The following SPAG6 variants were observed in gnomAD, a reference collection of about 807,000 sequenced individuals.
SPAG6 encodes the protein sperm associated antigen 6.
A neutral mutation model predicts 58.5 loss-of-function variants in SPAG6; 49 were observed. That is an observed-to-expected ratio of 0.84 (90% CI 0.67 to 1.06). The LOEUF (loss-of-function observed/expected upper bound fraction) is 1.06. Among genes scored for constraint, SPAG6 ranks in the 50% least tolerant of loss-of-function variants. SPAG6 has a pLI of 0.00. For synonymous variants in SPAG6, 233 were observed against 225.6 expected (o/e 1.03, Z -0.29); for missense variants, 560 against 611.3 (o/e 0.92, Z 0.89).
At chr10:22,364,734 A>T in intron 2 of SPAG6, 119 bp from the exon 3 acceptor site, 1 of 651,920 alleles carries the variant, frequency 1.5e-6, no homozygotes, top group Non-Finnish European at 2.5e-6. Context: ...TTTATGGTGA[A>T]TAGTTTTATT....
intron 2 of SPAG6, among the ~76,000 whole-genome samples, chr10:22,360,154 C>CTAT (rs1404403898): frequency 6.6e-6 from 1 of 152,056 alleles, no homozygotes; most frequent in African/African-American, 2.4e-5. Context: ...CTTCACTAGA[C>CTAT]TATTAGTTTC....
At position 22,387,808 on chromosome 10, in the gene SPAG6, T is replaced by C; in HGVS notation, c.679-15T>C. The C allele has an allele frequency of 6.3e-7, 1 of 1,592,874 alleles. No homozygotes were observed. Among genetic ancestry groups the C allele is most frequent in the Non-Finnish European group, 8.5e-7 (1 of 1,174,098 alleles). On this transcript the variant is annotated splice_polypyrimidine_tract_variant and intron_variant, in intron 5 of 10. Coordinates refer to ENST00000376624, the MANE Select transcript of SPAG6 (RefSeq NM_012443.4). ...TATAGTGTTTTGTTGTTGTTGTTTT[T>C]TTTTTGCTTCACAGCATCAGATCCT...
intron 7 of SPAG6, among the ~76,000 whole-genome samples, chr10:22,390,325 AAAG>A (rs1266819150): frequency 6.6e-6 from 1 of 152,164 alleles, no homozygotes; most frequent in East Asian, 1.9e-4. Flanking sequence ...AAGAATGATG[AAAG>A]AAGAAGCAAT....
At position 22,408,945 on chromosome 10, in the gene SPAG6, C is replaced by A. The variant is rs535886961; in HGVS notation, c.1315-2086C>A. On this transcript the variant is annotated intron_variant, in intron 9 of 10. Coordinates refer to ENST00000376624, the MANE Select transcript of SPAG6 (RefSeq NM_012443.4). ...TTTCTTTGACTAGGAAAGGGAACTC[C>A]CTGACCCCTTGCGCTTCCCGAGTGA... Among the ~76,000 whole-genome samples the A allele has an allele frequency of 4.7e-3, 719 of 152,316 alleles. 4 individuals carry two copies. The highest frequency in any genetic ancestry group is 0.017 in the African/African-American group (696 of 41,558).
At chr10:22,349,556 T>C (rs1237224324) in intron 2 of SPAG6, among the ~76,000 whole-genome samples, 1 of 152,172 alleles carries the variant, frequency 6.6e-6, no homozygotes, top group Non-Finnish European at 1.5e-5. Flanking sequence ...TAGGAGGTCT[T>C]TTGAAATACA....
chr10:22,410,052 A>G (rs1564382172), intron 9 of SPAG6, among the ~76,000 whole-genome samples: 1 of 152,172 alleles, frequency 6.6e-6, no homozygotes, highest in South Asian at 2.1e-4. Flanking sequence ...CCTTTAGTCA[A>G]GTCTTCAGCA....
chr10:22,357,569 C>T (rs538686925), intron 2 of SPAG6, among the ~76,000 whole-genome samples: 11 of 151,654 alleles, frequency 7.3e-5, no homozygotes, highest in Non-Finnish European at 1.3e-4. Context: ...ATTTAGGGAA[C>T]TGATTTTTTT....
rs1338804358 is a variant in SPAG6 at position 22,345,851 on chromosome 10, C to T, written c.121+33C>T. On this transcript the variant is annotated intron_variant, in intron 2 of 10. Transcript: ENST00000376624. The surrounding 1 kb of genome is among the most constrained non-coding windows in gnomAD (Gnocchi z 6.3). ...CGGAGCCCGAACCCCCGTCGCCCCC[C>T]GCGCACTGAGTCCCCGACGCCTCCG... 5.6e-6 allele frequency: 9 copies of T among 1,599,990 alleles called. No individual in the cohort carries two copies. The highest frequency in any genetic ancestry group is 1.7e-4 in the Middle Eastern group (1 of 6,050).
intron 2 of SPAG6, among the ~76,000 whole-genome samples, chr10:22,353,467 T>G (rs72814837): frequency 0.01 from 1,581 of 152,378 alleles, 12 homozygotes; most frequent in Non-Finnish European, 0.016. Flanking sequence ...TCCTTAAAAC[T>G]TTATGAATTT....
At chr10:22,408,720 C>T (rs942588540) in intron 9 of SPAG6, among the ~76,000 whole-genome samples, 57 of 151,412 alleles carry the variant, frequency 3.8e-4, no homozygotes, top group Non-Finnish European at 6.8e-4. Context: ...CAATGGCGGG[C>T]GCCCCTCCCC....
intron 10 of SPAG6, chr10:22,411,741 TCAAC>T (rs1834740016): frequency 6.6e-6 from 1 of 152,038 alleles, no homozygotes; most frequent in African/African-American, 2.4e-5. Context: ...TGCAGAGCAT[TCAAC>T]CTAAGCCTCG....
chr10:22,408,596 T>A (rs1272584333), intron 9 of SPAG6, among the ~76,000 whole-genome samples: 34 of 151,780 alleles, frequency 2.2e-4, no homozygotes, highest in Admixed American at 2.2e-3. Context: ...TTTGTTTGTC[T>A]GTGCCCTGCC....
chr10:22,412,463 G>A (rs775601372), intron 10 of SPAG6: 10 of 1,528,764 alleles, frequency 6.5e-6, no homozygotes, highest in Admixed American at 2.0e-5. Context: ...TTCCAGAGTT[G>A]CAAGTTTGTG....
At chr10:22,401,344 G>A (rs907277651) in intron 9 of SPAG6, 67 bp downstream of exon 9, 2 of 811,594 alleles carry the variant, frequency 2.5e-6, no homozygotes, top group African/African-American at 1.7e-5. Flanking sequence ...TTTTTTTTCT[G>A]TTGGGTCAGT....
At position 22,357,483 on chromosome 10, in the gene SPAG6, T is replaced by C. The variant is rs75159257; in HGVS notation, c.122-7370T>C. Among the ~76,000 whole-genome samples the C allele has an allele frequency of 1.4e-3, 215 of 152,308 alleles. 5 individuals are homozygous for C. The East Asian group carries it at 0.034, about 24-fold the overall frequency. ...TATGGGACCATTGAACCTTTAATAG[T>C]TCTTAATTACAATGGATGGTATTAA... On this transcript the variant is annotated intron_variant, in intron 2 of 10. Transcript: ENST00000376624.
intron 8 of SPAG6, among the ~76,000 whole-genome samples, chr10:22,392,349 A>T (rs1397101730): frequency 6.6e-6 from 1 of 152,148 alleles, no homozygotes; most frequent in Non-Finnish European, 1.5e-5. Flanking sequence ...TACCTCTTTA[A>T]TTCCAAGGTC....
chr10:22,365,955 A>T (rs943745539), intron 3 of SPAG6, among the ~76,000 whole-genome samples: 1 of 152,196 alleles, frequency 6.6e-6, no homozygotes, highest in African/African-American at 2.4e-5. Flanking sequence ...GAACTTTCAT[A>T]CATTGCTGGT....
intron 8 of SPAG6, among the ~76,000 whole-genome samples, chr10:22,398,592 G>A (rs1685042088): frequency 6.6e-6 from 1 of 152,090 alleles, no homozygotes; most frequent in African/African-American, 2.4e-5. Flanking sequence ...AGCAGAGTGT[G>A]GTAGTACATC....
At chr10:22,413,091 A>G (rs1398876461) in intron 10 of SPAG6, 1 of 148,534 alleles carries the variant, frequency 6.7e-6, no homozygotes, top group Non-Finnish European at 1.5e-5. Context: ...AAAAAAAAGA[A>G]CTAAAGTGTC....
Sources: gnomAD v4.1 joint callset for allele counts (sites outside exome capture counted in the v4.1 genomes callset) on GRCh38, gnomAD v4.1.1 for gene constraint, Gnocchi (gnomAD v3.1) non-coding constraint, MANE v1.5 for transcripts, NCBI Gene and HGNC (gene_info 2026-07-23, HGNC 2026-07-21) for gene names.